Variants in DNAJB14 observed in about 807,000 individuals in gnomAD.
DNAJB14 encodes dnaJ homolog subfamily B member 14.
Under a neutral mutation model 48.4 loss-of-function variants are expected in DNAJB14, and 22 were observed. The ratio of observed to expected loss-of-function variants is 0.45; its 90% CI spans 0.32 to 0.65. The LOEUF is 0.65. Among genes scored for constraint, DNAJB14 ranks in the 30% least tolerant of loss-of-function variants. DNAJB14 has a pLI of 0.03. For synonymous variants in DNAJB14, 142 were observed against 158.7 expected (o/e 0.89, Z 0.79); for missense variants, 319 against 458.8 (o/e 0.70, Z 2.78).
intron 3 of DNAJB14, among the ~76,000 whole-genome samples, chr4:99,921,583 AC>A (rs1374737140): frequency 1.3e-5 from 2 of 152,238 alleles, no homozygotes; most frequent in African/African-American, 4.8e-5. Flanking sequence ...TCACAAACAT[AC>A]AAATAACCCA....
At chr4:99,937,207 C>G (rs1726710596) in intron 1 of DNAJB14, among the ~76,000 whole-genome samples, 1 of 152,034 alleles carries the variant, frequency 6.6e-6, no homozygotes, top group Non-Finnish European at 1.5e-5. Context: ...GTCCCAGCTA[C>G]TCGGGAGGCT....
intron 1 of DNAJB14, among the ~76,000 whole-genome samples, chr4:99,933,232 G>GTA (rs1301840129): frequency 4.1e-5 from 6 of 147,638 alleles, no homozygotes; most frequent in South Asian, 2.1e-4. Context: ...AATAAAGTAT[G>GTA]TATATATATA....
chr4:99,907,267 T>C (rs1222591508), intron 4 of DNAJB14, among the ~76,000 whole-genome samples: 6 of 152,198 alleles, frequency 3.9e-5, no homozygotes, highest in Admixed American at 3.9e-4. Context: ...TAATAATTTT[T>C]CTGTAATTAT....
intron 1 of DNAJB14, among the ~76,000 whole-genome samples, chr4:99,934,326 T>C (rs557179861): frequency 1.3e-5 from 2 of 152,006 alleles, no homozygotes; most frequent in Non-Finnish European, 2.9e-5. Flanking sequence ...TCAAATCTGA[T>C]ACAAAATTAT....
chr4:99,905,847 TA>T (rs1725445738), intron 5 of DNAJB14, 141 bp from the exon 6 acceptor site: 1 of 1,249,110 alleles, frequency 8.0e-7, no homozygotes, highest in Non-Finnish European at 1.1e-6. Context: ...ACCATGCCAA[TA>T]GGATGATTCT....
At chr4:99,938,128 T>C (rs1392657603) in intron 1 of DNAJB14, among the ~76,000 whole-genome samples, 1 of 45,582 alleles carries the variant, frequency 2.2e-5, no homozygotes, top group South Asian at 6.6e-4. Flanking sequence ...AAAAAAAAAA[T>C]AGCTGGGCGT....
chr4:99,937,271 C>T lies in DNAJB14; in HGVS notation c.134-6650G>A, dbSNP rs541668006. Among the ~76,000 whole-genome samples, 317 of 151,854 alleles carry T rather than the reference C, an allele frequency of 2.1e-3. 5 individuals carry two copies. The South Asian group carries it at 0.022, about 10-fold the overall frequency. Reference sequence around the variant, plus strand: ...GGTGGAGCTCGCAGTGAGCCGAGATCGCGCCATACACTCCAGCCTGGGTGA... The same window carrying T: ...GGTGGAGCTCGCAGTGAGCCGAGATTGCGCCATACACTCCAGCCTGGGTGA... On this transcript the variant is annotated intron_variant, in intron 1 of 7. Transcript: ENST00000442697.
At chr4:99,942,030 C>T (rs1448317064) in intron 1 of DNAJB14, 7 of 151,880 alleles carry the variant, frequency 4.6e-5, no homozygotes, top group Non-Finnish European at 1.0e-4. Context: ...TGTATAATGA[C>T]AATTTTAAAA....
At chr4:99,906,382 T>C in intron 5 of DNAJB14, 135 bp downstream of exon 5, 2 of 995,802 alleles carry the variant, frequency 2.0e-6, no homozygotes, top group Non-Finnish European at 1.5e-6. Flanking sequence ...CTAAGGATTT[T>C]CTAGTCTCTA....
In DNAJB14 at chr4:99,900,139, G is replaced by T. The variant is rs1412098810; in HGVS notation, c.*889C>A. ...CTGCTTAAATGATCACCAAGAAACT[G>T]CAAATTTCTATGGGGGAAAATGTGA... is the stretch of plus-strand genomic sequence containing the variant. On this transcript the variant is annotated 3_prime_UTR_variant, in exon 8 of 8. Coordinates refer to ENST00000442697, the MANE Select transcript of DNAJB14 (RefSeq NM_001031723.4). The T allele has an allele frequency of 6.6e-6, 1 of 152,302 alleles. No homozygotes were observed. Among genetic ancestry groups the T allele is most frequent in the Non-Finnish European group, 1.5e-5 (1 of 67,852 alleles). The allele number at this position is 152,302 out of a possible 1,614,324, so 9.4% of individuals were successfully genotyped here. A position where few individuals can be genotyped will look rare whatever the true frequency, so the allele number is the denominator to read the frequency against.
At chr4:99,923,230 G>T in intron 2 of DNAJB14, 45 bp from the exon 3 acceptor site, 1 of 1,519,880 alleles carries the variant, frequency 6.6e-7, no homozygotes, top group Non-Finnish European at 8.9e-7. Context: ...CAAGGAAGAC[G>T]GTCATGTAAT....
At chr4:99,903,580 A>G in intron 7 of DNAJB14, 146 bp downstream of exon 7, 2 of 773,966 alleles carry the variant, frequency 2.6e-6, no homozygotes, top group South Asian at 2.1e-5. Flanking sequence ...GGCCACATGT[A>G]TATAAAACAC....
intron 1 of DNAJB14, among the ~76,000 whole-genome samples, chr4:99,944,783 G>C (rs758966593): frequency 6.6e-6 from 1 of 151,984 alleles, no homozygotes; most frequent in African/African-American, 2.4e-5. Flanking sequence ...CATCATGTTG[G>C]CCAGGCTGGT....
chr4:99,905,493 T>C (rs975388257), intron 6 of DNAJB14, 104 bp downstream of exon 6: 4 of 728,502 alleles, frequency 5.5e-6, no homozygotes, highest in African/African-American at 5.4e-5. Context: ...CTTGCAGTAA[T>C]AGATTTGGCA....
chr4:99,910,953 A>T (rs1356070056), intron 3 of DNAJB14, among the ~76,000 whole-genome samples: 2 of 152,068 alleles, frequency 1.3e-5, no homozygotes, highest in East Asian at 3.9e-4. Context: ...GGATATTGAC[A>T]CTGATATAGT....
intron 3 of DNAJB14, among the ~76,000 whole-genome samples, chr4:99,913,139 T>C (rs1174004083): frequency 6.6e-6 from 1 of 152,232 alleles, no homozygotes; most frequent in African/African-American, 2.4e-5. Context: ...AACAACAGTT[T>C]TAGCTCTTCT....
intron 3 of DNAJB14, among the ~76,000 whole-genome samples, chr4:99,919,035 T>C (rs1725956727): frequency 6.6e-6 from 1 of 152,114 alleles, no homozygotes; most frequent in South Asian, 2.1e-4. Flanking sequence ...GGTGGTAGCA[T>C]CTCATTACAG....
chr4:99,913,441 ATTT>A (rs920304550), intron 3 of DNAJB14, among the ~76,000 whole-genome samples: 1 of 151,712 alleles, frequency 6.6e-6, no homozygotes, highest in African/African-American at 2.4e-5. Context: ...TAATCGTGGG[ATTT>A]TTTTTCTTTA....
At chr4:99,946,379 G>T (rs1212289025) in intron 1 of DNAJB14, 60 bp downstream of exon 1, 2 of 1,556,978 alleles carry the variant, frequency 1.3e-6, no homozygotes, top group African/African-American at 1.4e-5. Flanking sequence ...GTGGGGGCAG[G>T]GGCGGGCTAC....
Sources: allele counts gnomAD v4.1 joint callset (sites outside exome capture counted in the v4.1 genomes callset), GRCh38; gene constraint gnomAD v4.1.1; transcripts MANE v1.5; gene names NCBI Gene and HGNC (gene_info 2026-07-23, HGNC 2026-07-21).